Variants in LAMC3 observed in about 807,000 individuals in gnomAD.
LAMC3 encodes laminin subunit gamma 3, also known as laminin subunit gamma-3.
LAMC3 carries 128 observed loss-of-function variants against 173.8 expected under a neutral mutation model. The observed-to-expected ratio is 0.74, with a 90% CI of 0.64 to 0.85. The LOEUF (loss-of-function observed/expected upper bound fraction) is 0.85. LAMC3 is among the 40% of genes least tolerant of loss of function. The probability of loss-of-function intolerance (pLI) is 0.00; values close to 1 mark genes in which losing one functional copy is unlikely to be tolerated. For missense variants in LAMC3, 2,022 were observed against 2,156.0 expected (o/e 0.94, Z 1.23); for synonymous variants, 897 against 909.1 (o/e 0.99, Z 0.24).
Position 131,012,498 on chromosome 9 carries a change from C to T in LAMC3, c.373+2911C>T, listed in dbSNP as rs540206448. Among the ~76,000 whole-genome samples the T allele has an allele frequency of 3.2e-4, 48 of 152,358 alleles. 1 individual carries two copies. Among genetic ancestry groups the T allele is most frequent in the Admixed American group, 2.0e-4 (3 of 15,304 alleles). On this transcript the variant is annotated intron_variant, in intron 1 of 27. Coordinates refer to ENST00000361069, the MANE Select transcript of LAMC3 (RefSeq NM_006059.4). ...TCCCTTGCGGGGATTGAGAAATGCT[C>T]GTCCCGGCCGCCCTGCCTCCTCAAA...
In LAMC3 at chr9:131,048,956, G is replaced by A. The variant is rs964388891; in HGVS notation, c.1520-64G>A. On this transcript the variant is annotated intron_variant, in intron 8 of 27. Coordinates refer to ENST00000361069, the MANE Select transcript of LAMC3 (RefSeq NM_006059.4). Reference sequence around the variant, plus strand: ...TACCCCAGGGCCCCCACCTGGGGCTGGCACCTGGAGACCACCCTCCGGGGC... The same window carrying A: ...TACCCCAGGGCCCCCACCTGGGGCTAGCACCTGGAGACCACCCTCCGGGGC... 23 of 1,026,306 alleles carry A rather than the reference G, an allele frequency of 2.2e-5. No homozygotes were observed. In the East Asian group the frequency reaches 5.0e-4, roughly 22 times the overall value. The allele number at this position is 1,026,306 out of a possible 1,614,324, so 63.6% of individuals were successfully genotyped here.
At chr9:131,056,214 C>A (rs191748052) in intron 11 of LAMC3, among the ~76,000 whole-genome samples, 80 of 152,004 alleles carry the variant, frequency 5.3e-4, no homozygotes, top group African/African-American at 1.9e-3. Flanking sequence ...ACAACCAAAA[C>A]AACAAGAAAA....
chr9:131,057,105 C>A lies in LAMC3; in HGVS notation c.2116C>A (p.Pro706Thr). ...PQGGPYASCV[P>T]CTCNQHGTCD... ...GGGGGGTCCCTATGCCAGCTGTGTC[C>A]CCTGCACCTGTAACCAGCATGGCAC... is the stretch of plus-strand genomic sequence containing the variant. Residue 706 changes from proline to threonine, a missense_variant, in exon 12 of 28, where the codon CCC becomes ACC. Physicochemically the swap from Pro to Thr is conservative, Grantham distance 38. Coordinates refer to ENST00000361069, the MANE Select transcript of LAMC3 (RefSeq NM_006059.4). 1 of 1,614,132 alleles carries A rather than the reference C, an allele frequency of 6.2e-7. No homozygotes were observed.
At chr9:131,046,905 C>T (rs914661659) in intron 8 of LAMC3, among the ~76,000 whole-genome samples, 1 of 152,052 alleles carries the variant, frequency 6.6e-6, no homozygotes, top group African/African-American at 2.4e-5. Flanking sequence ...GAGGGCCGCG[C>T]GCCCTCTGCT....
At chr9:131,033,831 T>C (rs187640806) in intron 3 of LAMC3, among the ~76,000 whole-genome samples, 6 of 152,110 alleles carry the variant, frequency 3.9e-5, no homozygotes, top group African/African-American at 1.4e-4. Flanking sequence ...GGGATGACAC[T>C]GGACTCTGGG....
At chr9:131,051,593 G>C (rs1834287652) in intron 9 of LAMC3, among the ~76,000 whole-genome samples, 1 of 152,072 alleles carries the variant, frequency 6.6e-6, no homozygotes, top group South Asian at 2.1e-4. Context: ...TTGAACTCCT[G>C]ACCTTGTGAT....
chr9:131,079,121 C>A (rs747380911), intron 22 of LAMC3, 28 bp from the exon 23 acceptor site: 2 of 1,609,486 alleles, frequency 1.2e-6, no homozygotes, highest in Non-Finnish European at 1.7e-6. Context: ...CTTTCCAGGC[C>A]CTGCCTGAGC....
At position 131,091,823 on chromosome 9, in the gene LAMC3, T is replaced by C. The variant is rs371142009; in HGVS notation, c.*36T>C. The C allele has an allele frequency of 2.9e-4, 468 of 1,608,054 alleles. 2 individuals are homozygous for C. The African/African-American group carries it at 5.5e-3, about 19-fold the overall frequency. On this transcript the variant is annotated 3_prime_UTR_variant, in exon 28 of 28. Coordinates refer to ENST00000361069, the MANE Select transcript of LAMC3 (RefSeq NM_006059.4). ...GATCCCCGGCACACACTCCCCCACC[T>C]GCTGTTTACATGACCCAGGGGGTGC...
chr9:131,092,520 GC>G lies in LAMC3; in HGVS notation c.*734del, dbSNP rs1275593441. On this transcript the variant is annotated 3_prime_UTR_variant, in exon 28 of 28. Coordinates refer to ENST00000361069, the MANE Select transcript of LAMC3 (RefSeq NM_006059.4). ...CTGGCTAGAGCAAGGCCCATTCCTG[GC>G]GGGGGTGTCATTGCCTTCACCGGAC... is the stretch of plus-strand genomic sequence containing the variant. 6.5e-6 allele frequency: 1 copy of G among 152,734 alleles called. No homozygotes were observed. The highest frequency in any genetic ancestry group is 1.5e-5 in the Non-Finnish European group (1 of 68,466). 9.5% of individuals were successfully genotyped at this position (152,734 alleles called of 1,614,324 possible).
At chr9:131,085,769 G>A (rs1393453060) in intron 25 of LAMC3, 46 bp downstream of exon 25, 3 of 1,587,256 alleles carry the variant, frequency 1.9e-6, no homozygotes, top group Non-Finnish European at 2.6e-6. Flanking sequence ...CCCTCCCGGG[G>A]GGACCGCCCT....
At position 131,067,166 on chromosome 9, in the gene LAMC3, G is replaced by A. The variant is rs267602144; in HGVS notation, c.2554G>A (p.Gly852Arg). 14 of 1,613,994 alleles carry A rather than the reference G, an allele frequency of 8.7e-6. No homozygotes were observed. Among genetic ancestry groups the A allele is most frequent in the South Asian group, 3.3e-5 (3 of 91,086 alleles). ...HCEHCQEGFY[G>R]SALAPRPADK... ...TGAGCACTGTCAGGAAGGCTTCTAC[G>A]GGAGCGCCCTGGCCCCTCGACCCGC... The change falls in exon 14 of 28, where the codon GGG becomes AGG. Residue 852 changes from glycine (G) to arginine (R), a missense_variant. Transcript: ENST00000361069.
chr9:131,009,677 G>C lies in LAMC3; in HGVS notation c.373+90G>C, dbSNP rs1308306857. On this transcript the variant is annotated intron_variant, in intron 1 of 27. Coordinates refer to ENST00000361069, the MANE Select transcript of LAMC3 (RefSeq NM_006059.4). The surrounding 1 kb of genome is among the most constrained non-coding windows in gnomAD (Gnocchi z 4.3). ...TGAGGCCTGAGCTGCTGTGCGCCCA[G>C]GTTGGGCTGCAGGACCCAGATATGG... The C allele has an allele frequency of 1.3e-6, 2 of 1,483,916 alleles. No individual in the cohort carries two copies. The highest frequency in any genetic ancestry group is 2.5e-5 in the East Asian group (1 of 39,760). The allele number at this position is 1,483,916 out of a possible 1,614,324, so 91.9% of individuals were successfully genotyped here. A position where few individuals can be genotyped will look rare whatever the true frequency, so the allele number is the denominator to read the frequency against.
intron 2 of LAMC3, among the ~76,000 whole-genome samples, chr9:131,031,147 A>G (rs1309578901): frequency 6.6e-6 from 1 of 152,258 alleles, no homozygotes; most frequent in Non-Finnish European, 1.5e-5. Flanking sequence ...ACGCTGGGGC[A>G]AAAAGATGGC....
chr9:131,069,073 G>A (rs551640961), intron 16 of LAMC3, 23 bp downstream of exon 16: 47 of 1,612,566 alleles, frequency 2.9e-5, no homozygotes, highest in African/African-American at 5.3e-5. Flanking sequence ...GGTCCTTCCC[G>A]GGCTGCCCTG....
chr9:131,056,828 A>G (rs558672167), intron 11 of LAMC3, 101 bp from the exon 12 acceptor site: 515 of 851,964 alleles, frequency 6.0e-4, no homozygotes, highest in Non-Finnish European at 9.0e-4. Context: ...CTGCCTTTAT[A>G]TACGTGGGCC....
At chr9:131,077,703 A>C (rs1366314994) in intron 22 of LAMC3, among the ~76,000 whole-genome samples, 1 of 149,194 alleles carries the variant, frequency 6.7e-6, no homozygotes, top group African/African-American at 2.5e-5. Flanking sequence ...AAAAAAAAAA[A>C]AAAAAAAAAA....
At chr9:131,091,511 G>A (rs781122101) in intron 27 of LAMC3, 26 bp from the exon 28 acceptor site, 2 of 1,564,990 alleles carry the variant, frequency 1.3e-6, no homozygotes, top group African/African-American at 1.4e-5. Flanking sequence ...CTGGCTCACA[G>A]TGAGGCTGTT....
chr9:131,064,174 CTG>C (rs1333612786), intron 13 of LAMC3, among the ~76,000 whole-genome samples: 1 of 152,136 alleles, frequency 6.6e-6, no homozygotes, highest in African/African-American at 2.4e-5. Flanking sequence ...TCCCAAAGTG[CTG>C]TGATTATAGG....
intron 3 of LAMC3, 150 bp from the exon 4 acceptor site, chr9:131,036,015 GC>G: frequency 2.5e-6 from 2 of 806,032 alleles, no homozygotes; most frequent in Non-Finnish European, 2.2e-6. Flanking sequence ...TGTTACTGCT[GC>G]CCCCAGGGCA....
Sources: allele counts gnomAD v4.1 joint callset (sites outside exome capture counted in the v4.1 genomes callset), GRCh38; gene constraint gnomAD v4.1.1; non-coding constraint Gnocchi (gnomAD v3.1); transcripts MANE v1.5; gene names NCBI Gene and HGNC (gene_info 2026-07-23, HGNC 2026-07-21).